The following SLC27A6 variants were observed in gnomAD, a reference collection of about 807,000 sequenced individuals.
SLC27A6 encodes long-chain fatty acid transport protein 6.
In SLC27A6, 74 loss-of-function variants were observed where a neutral mutation model predicts 63.9. The ratio of observed to expected loss-of-function variants is 1.16; its 90% CI spans 0.96 to 1.40. SLC27A6 has a LOEUF of 1.40. SLC27A6 is among the 40% of genes most tolerant of loss of function. SLC27A6 has a pLI of 0.00. For synonymous variants in SLC27A6, 287 were observed against 260.8 expected, an observed-to-expected ratio of 1.10 and a Z score of -0.97; for missense variants, 794 against 732.9, an observed-to-expected ratio of 1.08 and a Z score of -0.96.
intron 4 of SLC27A6, among the ~76,000 whole-genome samples, chr5:129,002,736 G>A (rs1319393602): frequency 6.6e-6 from 1 of 152,204 alleles, no homozygotes; most frequent in African/African-American, 2.4e-5. Flanking sequence ...TGTATCTTAT[G>A]TGAACTTGGA....
chr5:128,979,028 C>A (rs1750490196), intron 1 of SLC27A6, among the ~76,000 whole-genome samples: 1 of 151,908 alleles, frequency 6.6e-6, no homozygotes, highest in African/African-American at 2.4e-5. Flanking sequence ...TAGGTTTGAT[C>A]AATGATTATC....
Position 128,966,459 on chromosome 5 carries a change from G to T in SLC27A6, c.322G>T (p.Val108Leu), listed in dbSNP as rs1403477039. Residue 108 changes from valine (V) to leucine (L), a missense_variant, in exon 1 of 10, where the codon GTG becomes TTG. Coordinates refer to ENST00000262462, the MANE Select transcript of SLC27A6 (RefSeq NM_001017372.3). Reference protein sequence around the residue: ...NHSSLKKGDTVALLMSNEPDF... With the variant: ...NHSSLKKGDTLALLMSNEPDF... ...TTCCTCTCTGAAAAAGGGGGACACG[G>T]TGGCTCTGCTGATGAGCAATGAGCC... 6.2e-7 allele frequency: 1 copy of T among 1,608,164 alleles called. No individual in the cohort carries two copies. Among genetic ancestry groups the T allele is most frequent in the African/African-American group, 1.3e-5 (1 of 74,748 alleles).
Position 128,966,690 on chromosome 5 carries a change from T to C in SLC27A6, c.481+72T>C, listed in dbSNP as rs1749917494. ...GCTTTCATACCCTTTTTTTTTTCTT[T>C]AGGATAATTCGTAACTAATATTTTG... On this transcript the variant is annotated intron_variant, in intron 1 of 9. Coordinates refer to ENST00000262462, the MANE Select transcript of SLC27A6 (RefSeq NM_001017372.3). 6 of 1,361,544 alleles carry C rather than the reference T, an allele frequency of 4.4e-6. No homozygotes were observed. In the Admixed American group the frequency reaches 1.6e-4, roughly 36 times the overall value. The allele number at this position is 1,361,544 out of a possible 1,614,324, so 84.3% of individuals were successfully genotyped here. A position where few individuals can be genotyped will look rare whatever the true frequency, so the allele number is the denominator to read the frequency against.
chr5:128,981,875 G>A (rs926770718), intron 1 of SLC27A6, among the ~76,000 whole-genome samples: 7 of 150,596 alleles, frequency 4.6e-5, no homozygotes, highest in Non-Finnish European at 7.4e-5. Flanking sequence ...GTGCAGTGGC[G>A]TGATCTTGGC....
chr5:128,987,128 C>T (rs975131500), intron 2 of SLC27A6, among the ~76,000 whole-genome samples: 5 of 151,980 alleles, frequency 3.3e-5, no homozygotes, highest in Non-Finnish European at 2.9e-5. Context: ...AAGTCTCCCT[C>T]CCTATAAATA....
intron 4 of SLC27A6, among the ~76,000 whole-genome samples, chr5:129,010,665 G>A (rs1042452603): frequency 2.6e-5 from 4 of 152,134 alleles, no homozygotes; most frequent in Admixed American, 1.3e-4. Flanking sequence ...GCAAAGAAAA[G>A]AGAGTCTTAG....
intron 2 of SLC27A6, 84 bp downstream of exon 2, chr5:128,985,420 G>A: frequency 9.2e-7 from 1 of 1,082,304 alleles, no homozygotes; most frequent in Non-Finnish European, 1.4e-6. Flanking sequence ...ACCATGTGTA[G>A]TGACCAACCA....
chr5:128,981,296 A>C (rs748721778), intron 1 of SLC27A6, among the ~76,000 whole-genome samples: 1 of 152,034 alleles, frequency 6.6e-6, no homozygotes, highest in Non-Finnish European at 1.5e-5. Context: ...CCTGGCCAAC[A>C]TGGTAAAAAC....
chr5:128,975,909 G>T (rs1017664548), intron 1 of SLC27A6, among the ~76,000 whole-genome samples: 1 of 152,068 alleles, frequency 6.6e-6, no homozygotes, highest in Non-Finnish European at 1.5e-5. Context: ...AAGAAACCAC[G>T]CATTATCAGT....
At chr5:129,009,857 A>T (rs1219510957) in intron 4 of SLC27A6, among the ~76,000 whole-genome samples, 1 of 151,990 alleles carries the variant, frequency 6.6e-6, no homozygotes, top group East Asian at 1.9e-4. Flanking sequence ...TGTATTTTTT[A>T]GTAGAGATGG....
intron 4 of SLC27A6, among the ~76,000 whole-genome samples, chr5:129,011,284 A>G (rs1751718985): frequency 6.6e-6 from 1 of 152,298 alleles, no homozygotes; most frequent in East Asian, 1.9e-4. Flanking sequence ...CATTTGTTCC[A>G]TGTCCTTGCC....
intron 9 of SLC27A6, 35 bp from the exon 10 acceptor site, chr5:129,033,071 A>T: frequency 6.8e-7 from 1 of 1,467,764 alleles, no homozygotes; most frequent in Non-Finnish European, 9.3e-7. Context: ...TATAGTTATT[A>T]AATGATTCTA....
intron 9 of SLC27A6, among the ~76,000 whole-genome samples, chr5:129,031,818 G>A (rs1333826439): frequency 6.6e-6 from 1 of 151,930 alleles, no homozygotes; most frequent in African/African-American, 2.4e-5. Flanking sequence ...TATAAATACA[G>A]TGAGCTGCTA....
chr5:128,971,000 T>G (rs1448180259), intron 1 of SLC27A6, among the ~76,000 whole-genome samples: 1 of 152,220 alleles, frequency 6.6e-6, no homozygotes, highest in East Asian at 1.9e-4. Context: ...TATTTCTGCC[T>G]TCATTTCGTT....
At chr5:128,991,093 C>T (rs1487052291) in intron 4 of SLC27A6, among the ~76,000 whole-genome samples, 2 of 152,222 alleles carry the variant, frequency 1.3e-5, no homozygotes, top group Non-Finnish European at 2.9e-5. Flanking sequence ...CCACTGCCGG[C>T]TCAAATGCCT....
chr5:129,009,482 T>C (rs1751651218), intron 4 of SLC27A6, among the ~76,000 whole-genome samples: 1 of 152,232 alleles, frequency 6.6e-6, no homozygotes, highest in Non-Finnish European at 1.5e-5. Flanking sequence ...AACCAGTTTT[T>C]AAAGTATTGT....
intron 1 of SLC27A6, among the ~76,000 whole-genome samples, chr5:128,968,132 G>A (rs971590247): frequency 6.6e-6 from 1 of 152,146 alleles, no homozygotes; most frequent in African/African-American, 2.4e-5. Context: ...TGGTGCATAT[G>A]TGCCTCATTT....
intron 4 of SLC27A6, among the ~76,000 whole-genome samples, chr5:129,007,264 T>C (rs1278764105): frequency 1.3e-5 from 2 of 151,768 alleles, no homozygotes; most frequent in East Asian, 3.9e-4. Flanking sequence ...GCCAAGATGG[T>C]GAAACCCCAT....
chr5:129,003,626 C>T (rs555949365), intron 4 of SLC27A6, among the ~76,000 whole-genome samples: 23 of 152,104 alleles, frequency 1.5e-4, no homozygotes, highest in African/African-American at 5.5e-4. Flanking sequence ...CACTTGAGCT[C>T]AGGAGTTCAA....
Sources: gnomAD v4.1 joint callset for allele counts (sites outside exome capture counted in the v4.1 genomes callset) on GRCh38, gnomAD v4.1.1 for gene constraint, MANE v1.5 for transcripts, NCBI Gene and HGNC (gene_info 2026-07-23, HGNC 2026-07-21) for gene names.